Variants in DNAH3 observed in about 807,000 individuals in gnomAD.
The protein encoded by DNAH3 is dynein axonemal heavy chain 3, also known as axonemal beta dynein heavy chain 3.
In DNAH3, 332 loss-of-function variants were observed where a neutral mutation model predicts 432.5. The observed-to-expected ratio is 0.77, with a 90% CI of 0.70 to 0.84. The LOEUF (loss-of-function observed/expected upper bound fraction) is 0.84, where lower values mean the gene tolerates loss of function less well. Among genes scored for constraint, DNAH3 ranks in the 40% least tolerant of loss-of-function variants. DNAH3 has a pLI of 0.00. For synonymous variants in DNAH3, 1,956 were observed against 1,900.2 expected (o/e 1.03, Z -0.76); for missense variants, 4,861 against 5,114.0 (o/e 0.95, Z 1.51).
chr16:21,065,556 T>TG, intron 24 of DNAH3, among the ~76,000 whole-genome samples: 1 of 152,262 alleles, frequency 6.6e-6, no homozygotes, highest in Non-Finnish European at 1.5e-5. Flanking sequence ...TCCCAAGCCT[T>TG]ATGTGTCAAA....
intron 51 of DNAH3, among the ~76,000 whole-genome samples, chr16:20,971,504 G>T (rs1277692427): frequency 6.6e-6 from 1 of 152,162 alleles, no homozygotes; most frequent in Non-Finnish European, 1.5e-5. Flanking sequence ...TCAGACACCG[G>T]TTTCTCCTCC....
chr16:20,949,782 T>C (rs952053360), intron 56 of DNAH3, among the ~76,000 whole-genome samples: 1 of 152,102 alleles, frequency 6.6e-6, no homozygotes, highest in African/African-American at 2.4e-5. Context: ...GGTTTGAGGA[T>C]TGTTTGTTAT....
intron 15 of DNAH3, among the ~76,000 whole-genome samples, chr16:21,106,249 T>C (rs1185127991): frequency 6.6e-6 from 1 of 151,762 alleles, no homozygotes; most frequent in East Asian, 1.9e-4. Context: ...CTAACAAGAT[T>C]CCTTTTGTGT....
chr16:21,050,271 G>T (rs2089899696), intron 29 of DNAH3, among the ~76,000 whole-genome samples: 1 of 152,146 alleles, frequency 6.6e-6, no homozygotes, highest in Non-Finnish European at 1.5e-5. Flanking sequence ...CCAGCACAGT[G>T]TCCAGCACAT....
Position 21,128,423 on chromosome 16 carries a change from G to A in DNAH3, c.1083-611C>T, listed in dbSNP as rs139892383. 3.2e-3 allele frequency among the ~76,000 whole-genome samples: 484 copies of A among 151,950 alleles called. 3 individuals are homozygous for A. The highest frequency in any genetic ancestry group is 5.8e-3 in the Non-Finnish European group (393 of 67,972). On this transcript the variant is annotated intron_variant, in intron 7 of 61. Coordinates refer to ENST00000261383, the Ensembl canonical transcript of DNAH3. The stretch of plus-strand genomic sequence containing the variant: ...AAACAAAACAAAAAAGGCCGGGCGC[G>A]GTGGCTCACACCTGTAATCCCAGCA...
In DNAH3 at chr16:21,140,613, G is replaced by A; in HGVS notation, c.619C>T (p.Gln207Ter). 1 of 1,614,156 alleles carries A rather than the reference G, an allele frequency of 6.2e-7. No homozygotes were observed. Among genetic ancestry groups the A allele is most frequent in the Non-Finnish European group, 8.5e-7 (1 of 1,180,018 alleles). The change falls in exon 5 of 62, where the codon CAG (glutamine) becomes TAG (stop). Residue 207 changes from glutamine (Q) to a stop codon, truncating the protein, a stop_gained. Transcript: ENST00000261383. LOFTEE classifies it high-confidence loss of function. ...TGCTGTAACATGACATCGAGCTGCT[G>A]TTCTGGACTCATTGGTCTGCTTCCT...
At chr16:21,020,019 T>C in intron 40 of DNAH3, 150 bp from the exon 41 acceptor site, 1 of 815,606 alleles carries the variant, frequency 1.2e-6, no homozygotes, top group Non-Finnish European at 1.8e-6. Flanking sequence ...TCATTTCACA[T>C]GCATTTTTTT....
chr16:21,042,488 T>C (rs983771897), intron 31 of DNAH3, among the ~76,000 whole-genome samples: 24 of 152,170 alleles, frequency 1.6e-4, no homozygotes, highest in African/African-American at 5.5e-4. Context: ...TCTGTGTTTA[T>C]TGGTTCAAAG....
intron 44 of DNAH3, among the ~76,000 whole-genome samples, chr16:20,993,809 G>A (rs1168397381): frequency 6.6e-6 from 1 of 152,018 alleles, no homozygotes; most frequent in African/African-American, 2.4e-5. Context: ...TTAGCCTCCT[G>A]AGTAGCTGGG....
At chr16:21,158,690 T>C (rs983454554) in intron 1 of DNAH3, 2 of 152,856 alleles carry the variant, frequency 1.3e-5, no homozygotes, top group African/African-American at 4.8e-5. Context: ...TTCCTCCTCC[T>C]GCCTCTCTTC....
chr16:21,082,311 C>G (rs1207307531), intron 19 of DNAH3, among the ~76,000 whole-genome samples: 2 of 152,156 alleles, frequency 1.3e-5, no homozygotes. Flanking sequence ...CTCCCTCGAC[C>G]TCCTGAGCAG....
At chr16:21,013,579 C>G (rs1001616981) in intron 41 of DNAH3, among the ~76,000 whole-genome samples, 2 of 151,830 alleles carry the variant, frequency 1.3e-5, no homozygotes, top group African/African-American at 4.8e-5. Context: ...ATTAGCCAGG[C>G]GTGGTGACAC....
chr16:21,027,209 G>C, intron 37 of DNAH3, 82 bp from the exon 38 acceptor site: 1 of 999,752 alleles, frequency 1.0e-6, no homozygotes, highest in Non-Finnish European at 1.6e-6. Context: ...TGCAGACAAA[G>C]CTGGTTTGAT....
chr16:21,150,301 A>G (rs1044790558), intron 1 of DNAH3: 1 of 455,532 alleles, frequency 2.2e-6, no homozygotes, highest in Admixed American at 2.4e-5. Flanking sequence ...TTCTGAGATG[A>G]GCAATCCATG....
chr16:21,085,805 T>A (rs2091351666), intron 19 of DNAH3, among the ~76,000 whole-genome samples: 1 of 151,804 alleles, frequency 6.6e-6, no homozygotes, highest in Non-Finnish European at 1.5e-5. Context: ...TGTCCCCCCG[T>A]TACCCAGGCT....
At position 20,977,112 on chromosome 16, in the gene DNAH3, C is replaced by T. The variant is rs2085627974; in HGVS notation, c.8077-1697G>A. 2.6e-5 allele frequency among the ~76,000 whole-genome samples: 4 copies of T among 152,206 alleles called. No homozygotes were observed. The South Asian group carries it at 8.3e-4, about 32-fold the overall frequency. On this transcript the variant is annotated intron_variant, in intron 50 of 61. Transcript: ENST00000261383. ...CCATTAGGCCAGGCTCAGTGGTTCA[C>T]ACCTGTAATCCCAGCACTTTGGGAG... is the stretch of plus-strand genomic sequence containing the variant.
intron 31 of DNAH3, among the ~76,000 whole-genome samples, chr16:21,047,810 T>C (rs1325863738): frequency 1.3e-5 from 2 of 151,142 alleles, no homozygotes; most frequent in Non-Finnish European, 3.0e-5. Flanking sequence ...TGTGGTTTTA[T>C]CTACTTTTGG....
chr16:20,959,654 CA>C lies in DNAH3; in HGVS notation c.10601-251del, dbSNP rs1415095355. On this transcript the variant is annotated intron_variant, in intron 53 of 61. Coordinates refer to ENST00000261383, the Ensembl canonical transcript of DNAH3. ...ACACACACACACACACACACACACA[CA>C]CCCCAACACAAAAGGTGGGGTTCAC... 2.3e-3 allele frequency among the ~76,000 whole-genome samples: 335 copies of C among 147,354 alleles called. 3 individuals carry two copies. The highest frequency in any genetic ancestry group is 0.012 in the South Asian group (53 of 4,544).
At chr16:21,107,046 G>C (rs72780865) in intron 14 of DNAH3, among the ~76,000 whole-genome samples, 1 of 151,436 alleles carries the variant, frequency 6.6e-6, no homozygotes, top group Non-Finnish European at 1.5e-5. Context: ...TAACATTATC[G>C]AAAGCAACAT....
Sources: gnomAD v4.1 joint callset for allele counts (sites outside exome capture counted in the v4.1 genomes callset) on GRCh38, gnomAD v4.1.1 for gene constraint, MANE v1.5 for transcripts, NCBI Gene and HGNC (gene_info 2026-07-23, HGNC 2026-07-21) for gene names.